Variants in LAMA2 observed in about 807,000 individuals in gnomAD.
The protein encoded by LAMA2 is laminin subunit alpha-2.
A neutral mutation model predicts 364.8 loss-of-function variants in LAMA2; 269 were observed. That is an observed-to-expected ratio of 0.74 (90% CI 0.67 to 0.82). LAMA2 has a LOEUF of 0.82. Among genes scored for constraint, LAMA2 ranks in the 40% least tolerant of loss-of-function variants. The pLI is 0.00. For missense variants in LAMA2, 3,807 were observed against 3,873.2 expected, an observed-to-expected ratio of 0.98 and a Z score of 0.45; for synonymous variants, 1,379 against 1,370.6, an observed-to-expected ratio of 1.01 and a Z score of -0.14.
Position 129,465,199 on chromosome 6 carries a change from C to A in LAMA2, c.7210C>A (p.Leu2404Met). The A allele has an allele frequency of 6.2e-7, 1 of 1,610,946 alleles. No individual in the cohort carries two copies. Among genetic ancestry groups the A allele is most frequent in the Non-Finnish European group, 8.5e-7 (1 of 1,177,686 alleles). ...TDGHIKVSYD[L>M]GSGMASVVSN... ...TGGGCACATAAAAGTCAGTTACGAT[C>A]TGGGCTCAGGAATGGCTTCCGTTGT... The change falls in exon 51 of 65, where the codon CTG (leucine) becomes ATG (methionine). Residue 2404 changes from leucine to methionine, a missense_variant. Leu to Met is a conservative substitution (Grantham distance 15, BLOSUM62 2). This residue lies in a region of LAMA2 where 3,333 missense variants were observed against 3,345.7 expected (regional missense o/e 1.00). Coordinates refer to ENST00000421865, the MANE Select transcript of LAMA2 (RefSeq NM_000426.4).
intron 1 of LAMA2, among the ~76,000 whole-genome samples, chr6:128,977,266 CTT>C (rs34859670): frequency 1.5e-4 from 20 of 133,124 alleles, no homozygotes; most frequent in African/African-American, 2.6e-4. Flanking sequence ...TTTATTCTTT[CTT>C]TTTTTTTTTT....
rs191681325 is a variant in LAMA2, at chr6:129,075,866, A to T, written c.396+15970A>T. ...CACTTTGGGAGGTTGAGGTGGGAGG[A>T]TTGCTTAAGCCCAGGTATTCGAGAC... On this transcript the variant is annotated intron_variant, in intron 3 of 64. Coordinates refer to ENST00000421865, the MANE Select transcript of LAMA2 (RefSeq NM_000426.4). 5.3e-5 allele frequency among the ~76,000 whole-genome samples: 8 copies of T among 152,072 alleles called. No homozygotes were observed. The East Asian group carries it at 1.6e-3, about 30-fold the overall frequency.
rs141235562 is a variant in LAMA2, at chr6:129,393,215, G to A, written c.5405G>A (p.Arg1802His). Residue 1802 changes from arginine (R) to histidine (H), a missense_variant, in exon 37 of 65, where the codon CGC (arginine) becomes CAC (histidine). This residue lies in a region of LAMA2 where 3,333 missense variants were observed against 3,345.7 expected (regional missense o/e 1.00). Transcript: ENST00000421865. ...ACAGATAAAATCAGAGAAGCTAATCGCCTATTTGCAGTAAATCAGAAAAAC... is the reference window on the plus strand; with the variant it reads ...ACAGATAAAATCAGAGAAGCTAATCACCTATTTGCAGTAAATCAGAAAAAC... ...EATDKIREANRLFAVNQKNMT... is the reference protein window; with the variant it reads ...EATDKIREANHLFAVNQKNMT... The A allele has an allele frequency of 2.7e-5, 44 of 1,613,874 alleles. No homozygotes were observed. Among genetic ancestry groups the A allele is most frequent in the African/African-American group, 1.9e-4 (14 of 74,908 alleles).
intron 41 of LAMA2, among the ~76,000 whole-genome samples, chr6:129,438,321 G>A (rs1231202407): frequency 6.6e-6 from 1 of 151,748 alleles, no homozygotes; most frequent in Non-Finnish European, 1.5e-5. Context: ...TAACAAGAGG[G>A]CATAATTACA....
At chr6:128,945,255 C>T (rs931708757) in intron 1 of LAMA2, among the ~76,000 whole-genome samples, 6 of 152,168 alleles carry the variant, frequency 3.9e-5, no homozygotes, top group African/African-American at 1.4e-4. Context: ...TGGTGACCAT[C>T]TGTTAAAAAT....
At chr6:129,349,414 A>C in intron 31 of LAMA2, 30 bp downstream of exon 31, 1 of 1,512,784 alleles carries the variant, frequency 6.6e-7, no homozygotes, top group Admixed American at 1.7e-5. Context: ...GTACAGAGTA[A>C]TGATATGTAG....
At chr6:129,496,751 A>T (rs1785224456) in intron 58 of LAMA2, among the ~76,000 whole-genome samples, 1 of 152,240 alleles carries the variant, frequency 6.6e-6, no homozygotes, top group Non-Finnish European at 1.5e-5. Context: ...ATACGATATT[A>T]TCATTGCTAG....
chr6:129,234,255 C>T (rs1284683862), intron 12 of LAMA2, among the ~76,000 whole-genome samples: 1 of 152,136 alleles, frequency 6.6e-6, no homozygotes, highest in Admixed American at 6.6e-5. Flanking sequence ...AGAAAAGCCT[C>T]CAGTAATTAA....
intron 1 of LAMA2, among the ~76,000 whole-genome samples, chr6:128,939,839 G>A (rs1193310316): frequency 6.6e-6 from 1 of 152,110 alleles, no homozygotes; most frequent in East Asian, 1.9e-4. Flanking sequence ...AGATTCAGTT[G>A]CCTTTCCTGG....
intron 32 of LAMA2, among the ~76,000 whole-genome samples, chr6:129,357,798 G>A (rs1777231544): frequency 1.3e-5 from 2 of 151,952 alleles, no homozygotes; most frequent in African/African-American, 2.4e-5. Flanking sequence ...GAACACTGTT[G>A]TACATTTATA....
rs781340864 is a variant in LAMA2 at position 129,464,421 on chromosome 6, C to A, written c.7124C>A (p.Ala2375Asp). 5.6e-6 allele frequency: 9 copies of A among 1,612,102 alleles called. No individual in the cohort carries two copies. The South Asian group carries it at 8.8e-5, about 16-fold the overall frequency. ...AAGTTCAGAACATTTTCTTCGAGTGCTCTTCTGATGTATCTTGCCACACGA... is the reference window on the plus strand; with the variant it reads ...AAGTTCAGAACATTTTCTTCGAGTGATCTTCTGATGTATCTTGCCACACGA... ...MFKFRTFSSS[A>D]LLMYLATRDL... The change falls in exon 50 of 65, where the codon GCT (alanine) becomes GAT (aspartate). Residue 2375 changes from alanine (A) to aspartate (D), a missense_variant. By Grantham distance (126) the Ala-to-Asp change is moderately radical. Coordinates refer to ENST00000421865, the MANE Select transcript of LAMA2 (RefSeq NM_000426.4).
intron 1 of LAMA2, among the ~76,000 whole-genome samples, chr6:128,912,448 A>G (rs1033425627): frequency 1.3e-4 from 20 of 152,210 alleles, no homozygotes; most frequent in Admixed American, 1.2e-3. Flanking sequence ...AGATTTCTAT[A>G]AAATTCTTCA....
intron 17 of LAMA2, among the ~76,000 whole-genome samples, chr6:129,276,258 T>C (rs1788321654): frequency 6.6e-6 from 1 of 152,132 alleles, no homozygotes; most frequent in Non-Finnish European, 1.5e-5. Flanking sequence ...TAATAATTAG[T>C]TGAAAGGAGT....
chr6:129,156,198 TATC>T (rs1422956095), intron 8 of LAMA2, among the ~76,000 whole-genome samples: 2 of 151,336 alleles, frequency 1.3e-5, no homozygotes, highest in African/African-American at 4.8e-5. Context: ...ATATTCAAAA[TATC>T]ATGTCACACA....
chr6:129,225,201 G>A (rs796891712), intron 12 of LAMA2, among the ~76,000 whole-genome samples: 15 of 151,976 alleles, frequency 9.9e-5, no homozygotes, highest in African/African-American at 3.4e-4. Flanking sequence ...ATTTTTTATT[G>A]CATCTATTTG....
intron 1 of LAMA2, among the ~76,000 whole-genome samples, chr6:128,886,228 G>T (rs184803933): frequency 1.3e-5 from 2 of 151,974 alleles, no homozygotes; most frequent in African/African-American, 4.8e-5. Context: ...AAATTTTAAA[G>T]GTCTCTATAG....
chr6:128,994,073 G>A (rs1562903633), intron 1 of LAMA2, among the ~76,000 whole-genome samples: 1 of 152,304 alleles, frequency 6.6e-6, no homozygotes, highest in East Asian at 1.9e-4. Flanking sequence ...ATGAAATGAT[G>A]CATAATAGAT....
intron 18 of LAMA2, among the ~76,000 whole-genome samples, chr6:129,286,507 C>A (rs1172556907): frequency 1.5e-5 from 2 of 133,820 alleles, no homozygotes; most frequent in Non-Finnish European, 1.5e-5. Flanking sequence ...CTTTGCCATG[C>A]CCTATAAACA....
chr6:129,189,028 T>G lies in LAMA2; in HGVS notation c.1468-1177T>G, dbSNP rs546423002. On this transcript the variant is annotated intron_variant, in intron 10 of 64. Transcript: ENST00000421865. The stretch of plus-strand genomic sequence containing the variant: ...AGAGATTTATTTGAACTTAATAAAT[T>G]TTATGAAGCTAATGCTCAGTGCTGT... Among the ~76,000 whole-genome samples the G allele has an allele frequency of 1.5e-3, 235 of 152,144 alleles. 3 individuals are homozygous for G. The highest frequency in any genetic ancestry group is 5.4e-3 in the African/African-American group (226 of 41,566).
Sources: allele counts gnomAD v4.1 joint callset (sites outside exome capture counted in the v4.1 genomes callset), GRCh38; gene constraint gnomAD v4.1.1; regional missense constraint gnomAD v4.1.1; transcripts MANE v1.5; gene names NCBI Gene and HGNC (gene_info 2026-07-23, HGNC 2026-07-21).